OPCML: variants seen among roughly 807,000 people sequenced by gnomAD.
OPCML encodes the protein opioid-binding protein/cell adhesion molecule.
OPCML carries 13 observed loss-of-function variants against 37.8 expected under a neutral mutation model. The observed-to-expected ratio is 0.34, with a 90% CI of 0.22 to 0.55. OPCML has a LOEUF of 0.55. Among genes scored for constraint, OPCML ranks in the 20% least tolerant of loss-of-function variants. OPCML has a pLI of 0.91. For missense variants in OPCML, 341 were observed against 435.6 expected (o/e 0.78, Z 1.93); for synonymous variants, 176 against 168.8 (o/e 1.04, Z -0.33).
intron 2 of OPCML, among the ~76,000 whole-genome samples, chr11:132,751,016 G>A (rs1945813638): frequency 2.0e-5 from 3 of 152,138 alleles, no homozygotes; most frequent in Non-Finnish European, 2.9e-5. Context: ...TCGGAGGATA[G>A]AAGATAAAAT....
intron 1 of OPCML, among the ~76,000 whole-genome samples, chr11:133,140,826 C>CGAT (rs1949779871): frequency 4.1e-5 from 1 of 24,690 alleles, no homozygotes; most frequent in Admixed American, 7.7e-4. Context: ...AAGAAGAAGA[C>CGAT]GACGACGAAG....
intron 2 of OPCML, among the ~76,000 whole-genome samples, chr11:132,842,932 C>G (rs1436371522): frequency 6.6e-6 from 1 of 152,138 alleles, no homozygotes; most frequent in African/African-American, 2.4e-5. Flanking sequence ...ATGCTTGCTC[C>G]CAAATAGACA....
chr11:132,551,393 T>A (rs530804223), intron 3 of OPCML, among the ~76,000 whole-genome samples: 1 of 152,114 alleles, frequency 6.6e-6, no homozygotes, highest in East Asian at 1.9e-4. Flanking sequence ...TAGTTTATAG[T>A]TGAAAACAAA....
chr11:132,687,417 T>C (rs1293189577), intron 2 of OPCML, among the ~76,000 whole-genome samples: 10 of 85,206 alleles, frequency 1.2e-4, no homozygotes, highest in African/African-American at 4.1e-4. Flanking sequence ...TATATATATA[T>C]ATATATATAT....
rs1312840693 is a variant in OPCML at position 133,205,214 on chromosome 11, AG to A, written c.62-262205del. Among the ~76,000 whole-genome samples, 2 of 152,024 alleles carry A rather than the reference AG, an allele frequency of 1.3e-5. No individual in the cohort carries two copies. Among genetic ancestry groups the A allele is most frequent in the Non-Finnish European group, 2.9e-5 (2 of 68,002 alleles). On this transcript the variant is annotated intron_variant, in intron 1 of 7. Transcript: ENST00000524381. This position sits in a 1 kb window ranked among gnomAD's most constrained non-coding sequence, Gnocchi z 4.8. Reference sequence around the variant, plus strand: ...ATGAAGCTTTGATAAAAAACCCAAAAGGCAGGGTTTGAAGAGCTTCTGGTTG... The same window carrying A: ...ATGAAGCTTTGATAAAAAACCCAAAAGCAGGGTTTGAAGAGCTTCTGGTTG...
intron 3 of OPCML, among the ~76,000 whole-genome samples, chr11:132,580,512 AT>A (rs1470241996): frequency 6.6e-6 from 1 of 152,154 alleles, no homozygotes; most frequent in Non-Finnish European, 1.5e-5. Flanking sequence ...TTTCAAATTC[AT>A]TTAACAATGT....
At chr11:132,746,101 T>G (rs924181810) in intron 2 of OPCML, among the ~76,000 whole-genome samples, 2 of 151,774 alleles carry the variant, frequency 1.3e-5, no homozygotes, top group African/African-American at 4.8e-5. Flanking sequence ...TTGTTGTTTT[T>G]TTTTTTTTTA....
At chr11:133,228,139 T>G (rs886618514) in intron 1 of OPCML, among the ~76,000 whole-genome samples, 2 of 152,196 alleles carry the variant, frequency 1.3e-5, no homozygotes, top group African/African-American at 4.8e-5. Context: ...GGCCAGAGAC[T>G]GCTATGCTGG....
At chr11:133,439,114 T>G (rs1268264864) in intron 1 of OPCML, 1 of 179,496 alleles carries the variant, frequency 5.6e-6, no homozygotes, top group Non-Finnish European at 1.1e-5. Flanking sequence ...GCAGGAACCC[T>G]GATTTGTGGC....
intron 2 of OPCML, among the ~76,000 whole-genome samples, chr11:132,790,029 T>C (rs1937789919): frequency 1.3e-5 from 2 of 152,162 alleles, no homozygotes; most frequent in South Asian, 2.1e-4. Flanking sequence ...GAAAACAATA[T>C]GGAAGTTTCT....
rs1305202085 is a variant in OPCML, at chr11:133,211,666, G to T, written c.62-268656C>A. Reference sequence around the variant, plus strand: ...GGAATTGTATATCTTGTACCATGAGGCATCTGGGGCCAGGGAGTCATCTGG... The same window carrying T: ...GGAATTGTATATCTTGTACCATGAGTCATCTGGGGCCAGGGAGTCATCTGG... On this transcript the variant is annotated intron_variant, in intron 1 of 7. Transcript: ENST00000524381. This position sits in a 1 kb window ranked among gnomAD's most constrained non-coding sequence, Gnocchi z 4.1. 6.6e-6 allele frequency among the ~76,000 whole-genome samples: 1 copy of T among 152,204 alleles called. No homozygotes were observed. Among genetic ancestry groups the T allele is most frequent in the African/African-American group, 2.4e-5 (1 of 41,454 alleles).
intron 3 of OPCML, among the ~76,000 whole-genome samples, chr11:132,587,384 A>G (rs1454130578): frequency 1.3e-5 from 2 of 152,196 alleles, no homozygotes; most frequent in Non-Finnish European, 2.9e-5. Context: ...GACACATCAA[A>G]TCATAAGATT....
At chr11:133,308,652 A>C (rs772710342) in intron 1 of OPCML, among the ~76,000 whole-genome samples, 1 of 152,278 alleles carries the variant, frequency 6.6e-6, no homozygotes, top group African/African-American at 2.4e-5. Context: ...ACCCACAGTA[A>C]CAATGAGCAC....
intron 3 of OPCML, among the ~76,000 whole-genome samples, chr11:132,549,130 G>T (rs1305485290): frequency 6.6e-6 from 1 of 152,146 alleles, no homozygotes; most frequent in African/African-American, 2.4e-5. Flanking sequence ...CGATAAAACA[G>T]GATGTGGTAA....
chr11:132,539,599 AGAT>A (rs942650548), intron 3 of OPCML, among the ~76,000 whole-genome samples: 20 of 152,020 alleles, frequency 1.3e-4, no homozygotes, highest in African/African-American at 4.6e-4. Flanking sequence ...TGATGGTGAT[AGAT>A]GATGATGGTG....
chr11:133,524,102 T>C (rs1262924729), intron 1 of OPCML, among the ~76,000 whole-genome samples: 1 of 152,250 alleles, frequency 6.6e-6, no homozygotes, highest in African/African-American at 2.4e-5. Flanking sequence ...ATGCCTAGCA[T>C]AGTATTTGTC....
At chr11:133,517,318 C>T (rs1455841901) in intron 1 of OPCML, among the ~76,000 whole-genome samples, 2 of 152,190 alleles carry the variant, frequency 1.3e-5, no homozygotes, top group African/African-American at 2.4e-5. Context: ...ATCATTTATA[C>T]ATGCATAAAT....
chr11:133,084,499 T>A (rs1035240282), intron 1 of OPCML, among the ~76,000 whole-genome samples: 1 of 152,218 alleles, frequency 6.6e-6, no homozygotes, highest in Non-Finnish European at 1.5e-5. Context: ...CGCAGGCATC[T>A]CTTGAGGGTG....
intron 4 of OPCML, among the ~76,000 whole-genome samples, chr11:132,485,394 T>G (rs1384083947): frequency 6.6e-6 from 1 of 152,184 alleles, no homozygotes; most frequent in Non-Finnish European, 1.5e-5. Flanking sequence ...GAGTTATAAT[T>G]TACATACAAC....
Sources: gnomAD v4.1 joint callset for allele counts (sites outside exome capture counted in the v4.1 genomes callset) on GRCh38, gnomAD v4.1.1 for gene constraint, Gnocchi (gnomAD v3.1) non-coding constraint, MANE v1.5 for transcripts, NCBI Gene and HGNC (gene_info 2026-07-23, HGNC 2026-07-21) for gene names.